LRRIQ3: variants seen among roughly 807,000 people sequenced by gnomAD.
LRRIQ3 encodes the protein leucine rich repeats and IQ motif containing 3, also known as leucine-rich repeat and IQ domain-containing protein 3.
A neutral mutation model predicts 59.3 loss-of-function variants in LRRIQ3; 75 were observed. The observed-to-expected ratio is 1.26, with a 90% CI of 1.05 to 1.53. The LOEUF is 1.53. LRRIQ3 is among the 40% of genes most tolerant of loss of function. The pLI is 0.00. For synonymous variants in LRRIQ3, 250 were observed against 231.3 expected, an observed-to-expected ratio of 1.08 and a Z score of -0.73; for missense variants, 831 against 710.0, an observed-to-expected ratio of 1.17 and a Z score of -1.94.
At chr1:74,102,095 G>T (rs893963438) in intron 5 of LRRIQ3, among the ~76,000 whole-genome samples, 1 of 151,308 alleles carries the variant, frequency 6.6e-6, no homozygotes, top group African/African-American at 2.4e-5. Flanking sequence ...GTTTGTAAGA[G>T]TGCATTTGGA....
At chr1:74,049,524 T>G (rs75415408) in intron 6 of LRRIQ3, among the ~76,000 whole-genome samples, 2,928 of 152,212 alleles carry the variant, frequency 0.019, 82 homozygotes, top group African/African-American at 0.067. Flanking sequence ...GGGCTGCTGA[T>G]AACTTAGATA....
chr1:74,194,545 C>A (rs1043775913), intron 1 of LRRIQ3, among the ~76,000 whole-genome samples: 1 of 151,876 alleles, frequency 6.6e-6, no homozygotes, highest in African/African-American at 2.4e-5. Context: ...TACTTCTGTT[C>A]AGAAAAAAAG....
chr1:74,057,611 C>A (rs1425412542), intron 6 of LRRIQ3, among the ~76,000 whole-genome samples: 1 of 152,074 alleles, frequency 6.6e-6, no homozygotes. Flanking sequence ...GCATTAAAGA[C>A]TTATATGTAA....
chr1:74,056,823 T>C (rs1355444912), intron 6 of LRRIQ3, among the ~76,000 whole-genome samples: 1 of 152,120 alleles, frequency 6.6e-6, no homozygotes, highest in Non-Finnish European at 1.5e-5. Flanking sequence ...TCAACTTGAA[T>C]TGTTACCCCC....
At chr1:74,181,041 A>G (rs1649946189) in intron 3 of LRRIQ3, 1 of 449,984 alleles carries the variant, frequency 2.2e-6, no homozygotes, top group Non-Finnish European at 4.0e-6. Context: ...AGTATTATTT[A>G]CCACTGAATC....
At chr1:74,089,065 G>A (rs1646365895) in intron 5 of LRRIQ3, among the ~76,000 whole-genome samples, 1 of 151,966 alleles carries the variant, frequency 6.6e-6, no homozygotes, top group African/African-American at 2.4e-5. Flanking sequence ...AAAAGATGCT[G>A]GCATCATCAA....
At chr1:74,117,443 T>C (rs1290293595) in intron 4 of LRRIQ3, among the ~76,000 whole-genome samples, 1 of 152,072 alleles carries the variant, frequency 6.6e-6, no homozygotes, top group Non-Finnish European at 1.5e-5. Flanking sequence ...GCAGAAATAA[T>C]AGAAAAACAA....
intron 4 of LRRIQ3, among the ~76,000 whole-genome samples, chr1:74,138,876 G>A (rs1480577809): frequency 1.3e-5 from 2 of 151,424 alleles, no homozygotes; most frequent in Non-Finnish European, 2.9e-5. Context: ...ACAGCCCCCA[G>A]TCCACTTATC....
intron 5 of LRRIQ3, 21 bp from the exon 6 acceptor site, chr1:74,074,811 C>A (rs1473273526): frequency 2.6e-6 from 3 of 1,170,964 alleles, no homozygotes; most frequent in Non-Finnish European, 3.5e-6. Context: ...AAAATAAAAG[C>A]AATGACAATG....
In LRRIQ3 at chr1:74,026,059, T is replaced by C. The variant is rs1232734123; in HGVS notation, c.*754A>G. 2.0e-5 allele frequency: 3 copies of C among 152,036 alleles called. No homozygotes were observed. Among genetic ancestry groups the C allele is most frequent in the Non-Finnish European group, 2.9e-5 (2 of 67,922 alleles). The allele number at this position is 152,036 out of a possible 1,614,324, so 9.4% of individuals were successfully genotyped here. A position where few individuals can be genotyped will look rare whatever the true frequency, so the allele number is the denominator to read the frequency against. On this transcript the variant is annotated 3_prime_UTR_variant, in exon 8 of 8. Transcript: ENST00000354431. ...AGTTTATTTTTCAAATTTTCTACCA[T>C]TGGTATGTATTAAACAGACTTATGG...
intron 3 of LRRIQ3, chr1:74,181,817 TC>T (rs1377980747): frequency 2.6e-5 from 4 of 151,804 alleles, no homozygotes; most frequent in South Asian, 2.1e-4. Context: ...GTTTATATAT[TC>T]TTTTAGATAT....
chr1:74,115,729 A>G (rs578023974), intron 4 of LRRIQ3, among the ~76,000 whole-genome samples: 1 of 152,232 alleles, frequency 6.6e-6, no homozygotes, highest in East Asian at 1.9e-4. Context: ...AGGCTAAAAA[A>G]CAGGAGAATT....
intron 3 of LRRIQ3, among the ~76,000 whole-genome samples, chr1:74,168,572 T>C (rs746901128): frequency 1.3e-5 from 2 of 152,122 alleles, no homozygotes; most frequent in Non-Finnish European, 2.9e-5. Context: ...ATTTAGACCA[T>C]TTACTGTAAA....
chr1:74,111,182 G>C (rs1646689001), intron 4 of LRRIQ3, among the ~76,000 whole-genome samples: 1 of 151,762 alleles, frequency 6.6e-6, no homozygotes, highest in Non-Finnish European at 1.5e-5. Flanking sequence ...TTCTGCAAAT[G>C]CTCAATATGT....
intron 4 of LRRIQ3, among the ~76,000 whole-genome samples, chr1:74,112,112 G>A (rs1646704397): frequency 6.6e-6 from 1 of 152,086 alleles, no homozygotes; most frequent in African/African-American, 2.4e-5. Flanking sequence ...ACTAGAGACT[G>A]CTGTCACAGC....
chr1:74,190,129 C>T (rs1254772941), intron 1 of LRRIQ3, among the ~76,000 whole-genome samples: 2 of 151,986 alleles, frequency 1.3e-5, no homozygotes, highest in Non-Finnish European at 2.9e-5. Context: ...AAACTGCTGA[C>T]CACAAAATTG....
intron 4 of LRRIQ3, chr1:74,144,311 G>A (rs934721499): frequency 4.9e-6 from 1 of 205,712 alleles, no homozygotes; most frequent in African/African-American, 2.4e-5. Context: ...TACTCCCCAA[G>A]TAATCAACAA....
chr1:74,140,659 A>G (rs1456099609), intron 4 of LRRIQ3, among the ~76,000 whole-genome samples: 1 of 151,780 alleles, frequency 6.6e-6, no homozygotes, highest in Non-Finnish European at 1.5e-5. Context: ...TGCAAATCTC[A>G]ATGAAATTCA....
At chr1:74,084,230 CAGT>C in intron 5 of LRRIQ3, 1 of 1,542,636 alleles carries the variant, frequency 6.5e-7, no homozygotes, top group Non-Finnish European at 8.8e-7. Context: ...AAGAAAAATA[CAGT>C]AATAAAGTTT....
Sources: allele counts gnomAD v4.1 joint callset (sites outside exome capture counted in the v4.1 genomes callset), GRCh38; gene constraint gnomAD v4.1.1; transcripts MANE v1.5; gene names NCBI Gene and HGNC (gene_info 2026-07-23, HGNC 2026-07-21).